DIAPH3: variants seen among roughly 807,000 people sequenced by gnomAD.
DIAPH3 encodes the protein protein diaphanous homolog 3.
DIAPH3 carries 117 observed loss-of-function variants against 144.3 expected under a neutral mutation model. The observed-to-expected ratio is 0.81, with a 90% CI of 0.70 to 0.95. The LOEUF is 0.95. Ranked by LOEUF, DIAPH3 falls within the 40% of genes least tolerant of loss-of-function variation. The pLI, the probability that DIAPH3 is intolerant of heterozygous loss-of-function variation, is 0.00. For missense variants in DIAPH3, 1,421 were observed against 1,412.7 expected (o/e 1.01, Z -0.09); for synonymous variants, 519 against 488.9 (o/e 1.06, Z -0.81).
At chr13:60,014,279 G>A (rs1219927425) in intron 7 of DIAPH3, among the ~76,000 whole-genome samples, 1 of 151,880 alleles carries the variant, frequency 6.6e-6, no homozygotes, top group Non-Finnish European at 1.5e-5. Flanking sequence ...GTACTTAGTG[G>A]GCAAAGACCT....
intron 3 of DIAPH3, among the ~76,000 whole-genome samples, chr13:60,106,074 C>T (rs1054677171): frequency 2.0e-5 from 3 of 152,124 alleles, no homozygotes; most frequent in African/African-American, 7.2e-5. Context: ...GATGAACCCT[C>T]CCCACCTCTA....
chr13:59,895,295 T>C (rs1465823520), intron 20 of DIAPH3, among the ~76,000 whole-genome samples: 1 of 151,984 alleles, frequency 6.6e-6, no homozygotes, highest in East Asian at 1.9e-4. Context: ...ACTTTGGCTA[T>C]TCGGTATCCG....
intron 13 of DIAPH3, among the ~76,000 whole-genome samples, chr13:59,982,193 C>T (rs2051059770): frequency 6.6e-6 from 1 of 151,306 alleles, no homozygotes; most frequent in East Asian, 1.9e-4. Context: ...TCAGTAAATA[C>T]AATTAATTTA....
At chr13:60,145,521 G>T (rs577814994) in intron 1 of DIAPH3, among the ~76,000 whole-genome samples, 26 of 152,290 alleles carry the variant, frequency 1.7e-4, no homozygotes, top group Admixed American at 1.5e-3. Context: ...GTGGTGGCGG[G>T]CACCTGTAGT....
At chr13:59,759,063 G>A (rs1029355802) in intron 27 of DIAPH3, among the ~76,000 whole-genome samples, 4 of 151,578 alleles carry the variant, frequency 2.6e-5, no homozygotes, top group East Asian at 1.9e-4. Context: ...AAGTGCTGGG[G>A]TTACAGGCAT....
intron 27 of DIAPH3, among the ~76,000 whole-genome samples, chr13:59,699,369 G>C (rs1374940768): frequency 6.6e-6 from 1 of 152,192 alleles, no homozygotes; most frequent in Non-Finnish European, 1.5e-5. Flanking sequence ...CAAGATGGCT[G>C]GGACAGCTGA....
At chr13:59,787,695 C>G (rs2039110864) in intron 25 of DIAPH3, among the ~76,000 whole-genome samples, 1 of 150,924 alleles carries the variant, frequency 6.6e-6, no homozygotes, top group Non-Finnish European at 1.5e-5. Context: ...TAAGAAACAC[C>G]AAGAAATGGG....
chr13:59,945,945 G>A (rs182291176), intron 17 of DIAPH3, among the ~76,000 whole-genome samples: 48 of 152,198 alleles, frequency 3.2e-4, no homozygotes, highest in East Asian at 2.5e-3. Context: ...AAGAAAAAAT[G>A]AAGACGAACA....
chr13:60,017,946 T>C (rs778859702), intron 5 of DIAPH3, among the ~76,000 whole-genome samples: 11 of 152,342 alleles, frequency 7.2e-5, no homozygotes, highest in Admixed American at 1.3e-4. Context: ...TGTTTTTATG[T>C]TTCATGAAAA....
intron 27 of DIAPH3, among the ~76,000 whole-genome samples, chr13:59,668,242 T>A (rs1250956566): frequency 6.6e-6 from 1 of 152,236 alleles, no homozygotes; most frequent in Non-Finnish European, 1.5e-5. Flanking sequence ...GCAGTTCCTA[T>A]GACCACATCC....
intron 14 of DIAPH3, among the ~76,000 whole-genome samples, chr13:59,979,209 T>C (rs542015734): frequency 2.6e-5 from 4 of 151,758 alleles, no homozygotes; most frequent in African/African-American, 7.2e-5. Context: ...ACCTACAATT[T>C]GTTTAAAAAT....
intron 27 of DIAPH3, among the ~76,000 whole-genome samples, chr13:59,700,947 T>C (rs2034076802): frequency 6.6e-6 from 1 of 152,194 alleles, no homozygotes; most frequent in Admixed American, 6.5e-5. Context: ...TTTATTTACT[T>C]AGTAAAAGAA....
At chr13:59,786,651 A>G (rs552697969) in intron 25 of DIAPH3, among the ~76,000 whole-genome samples, 58 of 152,312 alleles carry the variant, frequency 3.8e-4, no homozygotes, top group Non-Finnish European at 7.2e-4. Flanking sequence ...TACAAAAATA[A>G]GGAGATATAT....
intron 1 of DIAPH3, among the ~76,000 whole-genome samples, chr13:60,137,689 G>GTAGCATTTT (rs1232593746): frequency 6.6e-6 from 1 of 150,846 alleles, no homozygotes; most frequent in Non-Finnish European, 1.5e-5. Flanking sequence ...CAAATATGTG[G>GTAGCATTTT]TAGCATTTTT....
intron 13 of DIAPH3, among the ~76,000 whole-genome samples, chr13:59,981,794 T>C (rs558408511): frequency 4.6e-4 from 70 of 151,594 alleles, no homozygotes; most frequent in Non-Finnish European, 9.2e-4. Context: ...CTATACTAGA[T>C]TATTTTGGTG....
chr13:59,891,364 G>T (rs1008032592), intron 20 of DIAPH3, among the ~76,000 whole-genome samples: 2 of 151,412 alleles, frequency 1.3e-5, no homozygotes, highest in African/African-American at 4.9e-5. Flanking sequence ...TAAGCAGATT[G>T]TGCCATAAAA....
chr13:59,835,079 T>C (rs2041973422), intron 23 of DIAPH3, among the ~76,000 whole-genome samples: 1 of 151,842 alleles, frequency 6.6e-6, no homozygotes, highest in Admixed American at 6.6e-5. Context: ...CTGCCTTTAT[T>C]ACAGTTCTGT....
intron 2 of DIAPH3, among the ~76,000 whole-genome samples, chr13:60,124,960 A>T (rs1028905025): frequency 9.9e-5 from 15 of 152,214 alleles, no homozygotes; most frequent in Admixed American, 2.6e-4. Context: ...ACTTGGAGCC[A>T]ATCTGCCAGA....
chr13:60,112,798 C>T (rs2058604130), intron 2 of DIAPH3, among the ~76,000 whole-genome samples: 2 of 152,060 alleles, frequency 1.3e-5, no homozygotes, highest in South Asian at 2.1e-4. Flanking sequence ...ATTTTTGTTG[C>T]AATGAAATTT....
Sources: gnomAD v4.1 joint callset for allele counts (sites outside exome capture counted in the v4.1 genomes callset) on GRCh38, gnomAD v4.1.1 for gene constraint, MANE v1.5 for transcripts, NCBI Gene and HGNC (gene_info 2026-07-23, HGNC 2026-07-21) for gene names.